Variants in GNPTAB observed in about 807,000 individuals in gnomAD.
GNPTAB encodes N-acetylglucosamine-1-phosphotransferase subunits alpha/beta.
GNPTAB carries 92 observed loss-of-function variants against 136.6 expected under a neutral mutation model. That is an observed-to-expected ratio of 0.67 (90% CI 0.57 to 0.80). The LOEUF is 0.80. Among genes scored for constraint, GNPTAB ranks in the 30% least tolerant of loss-of-function variants. The pLI, the probability that GNPTAB is intolerant of heterozygous loss-of-function variation, is 0.00. For synonymous variants in GNPTAB, 512 were observed against 535.1 expected (o/e 0.96, Z 0.60); for missense variants, 1,343 against 1,501.8 (o/e 0.89, Z 1.75).
intron 8 of GNPTAB, among the ~76,000 whole-genome samples, 170 bp from the exon 9 acceptor site, chr12:101,770,755 T>A (rs952727457): frequency 2.7e-4 from 41 of 152,250 alleles, no homozygotes; most frequent in African/African-American, 7.7e-4. Flanking sequence ...GTATATATAT[T>A]TTTAAACCCA....
chr12:101,817,674 T>A (rs1355766852), intron 1 of GNPTAB, among the ~76,000 whole-genome samples: 1 of 152,156 alleles, frequency 6.6e-6, no homozygotes, highest in Non-Finnish European at 1.5e-5. Context: ...ATTAATTTTT[T>A]AAATAGCTAG....
At position 101,787,448 on chromosome 12, in the gene GNPTAB, T is replaced by TA. The variant is rs573754715; in HGVS notation, c.365+1099dup. Among the ~76,000 whole-genome samples the TA allele has an allele frequency of 3.5e-4, 54 of 152,334 alleles. 1 individual carries two copies. The South Asian group carries it at 0.01, about 29-fold the overall frequency. ...AAAAGGGAATAAAAATAACAGTTGTTAAATAAGATTTATAAAATTTTGTGA... is the reference window on the plus strand; with the variant it reads ...AAAAGGGAATAAAAATAACAGTTGTTAAAATAAGATTTATAAAATTTTGTGA... On this transcript the variant is annotated intron_variant, in intron 4 of 20. Coordinates refer to ENST00000299314, the MANE Select transcript of GNPTAB (RefSeq NM_024312.5).
chr12:101,797,850 C>T (rs1426987635), intron 1 of GNPTAB, among the ~76,000 whole-genome samples: 2 of 152,198 alleles, frequency 1.3e-5, no homozygotes, highest in Non-Finnish European at 2.9e-5. Flanking sequence ...TGTCCCCCCA[C>T]CTTGCAGACA....
Position 101,830,588 on chromosome 12 carries a change from T to C in GNPTAB, c.88A>G (p.Thr30Ala). The change falls in exon 1 of 21, where the codon ACC becomes GCC. Residue 30 changes from threonine to alanine, a missense_variant. By Grantham distance (58) the Thr-to-Ala change is moderately conservative (BLOSUM62 0). Transcript: ENST00000299314. The stretch of plus-strand genomic sequence containing the variant: ...CCGAACTGGAAGGCGGAGACGATGG[T>C]GACAACGACGCCCAAGAAGCACACG... ...LYVCFLGVVV[T>A]IVSAFQFGEV... The C allele has an allele frequency of 2.5e-6, 4 of 1,612,160 alleles. No homozygotes were observed. Among genetic ancestry groups the C allele is most frequent in the Non-Finnish European group, 3.4e-6 (4 of 1,178,956 alleles).
At chr12:101,749,315 A>G in intron 19 of GNPTAB, 124 bp from the exon 20 acceptor site, 1 of 719,270 alleles carries the variant, frequency 1.4e-6, no homozygotes, top group South Asian at 1.5e-5. Context: ...TTGTCTTGCA[A>G]TTCTAAAATG....
At chr12:101,806,021 T>A (rs537451882) in intron 1 of GNPTAB, among the ~76,000 whole-genome samples, 2 of 152,296 alleles carry the variant, frequency 1.3e-5, no homozygotes, top group South Asian at 2.1e-4. Flanking sequence ...TTTCAAACAA[T>A]CGTTTAAAAC....
chr12:101,783,110 T>A (rs1258486392), intron 5 of GNPTAB, among the ~76,000 whole-genome samples: 3 of 151,870 alleles, frequency 2.0e-5, no homozygotes, highest in Non-Finnish European at 4.4e-5. Context: ...ACCGTCTGAC[T>A]CTCTGACTCC....
At chr12:101,773,112 C>A in intron 7 of GNPTAB, 1 of 240,788 alleles carries the variant, frequency 4.2e-6, no homozygotes, top group Non-Finnish European at 8.4e-6. Flanking sequence ...GGCCTGACCT[C>A]CATCTCCCAT....
intron 13 of GNPTAB, among the ~76,000 whole-genome samples, chr12:101,763,618 A>G (rs1953035227): frequency 6.6e-6 from 1 of 152,098 alleles, no homozygotes; most frequent in Admixed American, 6.5e-5. Flanking sequence ...TTTTCTCCCC[A>G]CAAATTTGTC....
At chr12:101,757,079 C>A in intron 18 of GNPTAB, 133 bp downstream of exon 18, 1 of 618,022 alleles carries the variant, frequency 1.6e-6, no homozygotes, top group Non-Finnish European at 2.8e-6. Context: ...TCTCACTCAA[C>A]CACCAGCTCC....
At chr12:101,790,740 TAAA>T (rs59673928) in intron 2 of GNPTAB, among the ~76,000 whole-genome samples, 1,423 of 137,708 alleles carry the variant, frequency 0.01, 26 homozygotes, top group African/African-American at 0.035. Context: ...GCCTTGTCTC[TAAA>T]AAAAAAAAAA....
intron 18 of GNPTAB, among the ~76,000 whole-genome samples, chr12:101,754,867 T>C (rs1274908600): frequency 6.6e-6 from 1 of 152,202 alleles, no homozygotes; most frequent in African/African-American, 2.4e-5. Context: ...GTAAGATAGC[T>C]ATAGAATCTA....
chr12:101,801,860 T>C (rs922614627), intron 1 of GNPTAB, among the ~76,000 whole-genome samples: 2 of 150,780 alleles, frequency 1.3e-5, no homozygotes, highest in East Asian at 1.9e-4. Context: ...TGGGGCAACA[T>C]AGTAAGACCT....
intron 20 of GNPTAB, 60 bp from the exon 21 acceptor site, chr12:101,747,301 G>A (rs1952748315): frequency 1.0e-6 from 1 of 960,522 alleles, no homozygotes; most frequent in Non-Finnish European, 1.7e-6. Flanking sequence ...GAATATAAGT[G>A]CATCAAACTT....
rs1292417678 is a variant in GNPTAB, at chr12:101,786,091, G to A, written c.492C>T (p.Ala164=). The A allele has an allele frequency of 1.2e-6, 2 of 1,614,030 alleles. No homozygotes were observed. The highest frequency in any genetic ancestry group is 8.5e-7 in the Non-Finnish European group (1 of 1,179,936). The stretch of plus-strand genomic sequence containing the variant: ...GTTTTGCAACATTGAAAATGTCACT[G>A]GCAGAATGAAAAGAAGGATAAAGAG... ...LPSLYPSFHS[A]SDIFNVAKPK... is the part of the protein sequence containing the mutation. Residue 164 remains alanine (A), a synonymous_variant, in exon 5 of 21, where the codon GCC becomes GCT. Coordinates refer to ENST00000299314, the MANE Select transcript of GNPTAB (RefSeq NM_024312.5).
Position 101,760,110 on chromosome 12 carries a change from A to G in GNPTAB, c.3169T>C (p.Cys1057Arg), listed in dbSNP as rs1191474177. ...ATATCAGCAGGAAGCATTTTTGAGC[A>G]ATTTATTAGCATGTGTTCCAGACCT... ...LTGLEHMLINCSKMLPADITQ... is the reference protein window; with the variant it reads ...LTGLEHMLINRSKMLPADITQ... The change falls in exon 16 of 21, where the codon TGC becomes CGC. Residue 1057 changes from cysteine to arginine, a missense_variant. By Grantham distance (180) the Cys-to-Arg change is radical. Transcript: ENST00000299314. 1 of 1,612,370 alleles carries G rather than the reference A, an allele frequency of 6.2e-7. No individual in the cohort carries two copies. The highest frequency in any genetic ancestry group is 8.5e-7 in the Non-Finnish European group (1 of 1,178,422).
At chr12:101,822,411 C>G (rs907727968) in intron 1 of GNPTAB, among the ~76,000 whole-genome samples, 1 of 151,694 alleles carries the variant, frequency 6.6e-6, no homozygotes, top group East Asian at 1.9e-4. Flanking sequence ...GACTCCGTCT[C>G]AAAAAAAAGA....
intron 19 of GNPTAB, among the ~76,000 whole-genome samples, chr12:101,752,790 A>G (rs1173200812): frequency 6.6e-6 from 1 of 152,188 alleles, no homozygotes; most frequent in Non-Finnish European, 1.5e-5. Flanking sequence ...CTTCACTTAC[A>G]CATTGGTCAA....
At chr12:101,749,282 C>A in intron 19 of GNPTAB, 91 bp from the exon 20 acceptor site, 1 of 804,872 alleles carries the variant, frequency 1.2e-6, no homozygotes, top group Non-Finnish European at 2.2e-6. Context: ...TCTATAAAAA[C>A]AATGTTGGGA....
Sources: allele counts gnomAD v4.1 joint callset (sites outside exome capture counted in the v4.1 genomes callset), GRCh38; gene constraint gnomAD v4.1.1; transcripts MANE v1.5; gene names NCBI Gene and HGNC (gene_info 2026-07-23, HGNC 2026-07-21).